SGK3: variants seen among roughly 807,000 people sequenced by gnomAD.
SGK3 encodes the protein serine/threonine-protein kinase Sgk3.
In SGK3, 47 loss-of-function variants were observed where a neutral mutation model predicts 68.5. The ratio of observed to expected loss-of-function variants is 0.69; its 90% confidence interval spans 0.54 to 0.87. The LOEUF is 0.87. Ranked by LOEUF, SGK3 falls within the 40% of genes least tolerant of loss-of-function variation. The pLI is 0.00. For missense variants in SGK3, 479 were observed against 575.5 expected (o/e 0.83, Z 1.72); for synonymous variants, 181 against 189.1 (o/e 0.96, Z 0.35).
chr8:66,731,745 A>G (rs991677077), intron 1 of SGK3, among the ~76,000 whole-genome samples: 5 of 152,182 alleles, frequency 3.3e-5, no homozygotes, highest in African/African-American at 4.8e-5. Context: ...CATGTTAGCC[A>G]GGATGGTCTC....
intron 1 of SGK3, among the ~76,000 whole-genome samples, chr8:66,771,307 T>TTA (rs1254647845): frequency 5.3e-5 from 8 of 152,228 alleles, no homozygotes; most frequent in Non-Finnish European, 2.9e-5. Context: ...GACTAGTGAT[T>TTA]TATAGATTGT....
intron 2 of SGK3, 118 bp from the exon 3 acceptor site, chr8:66,798,424 A>G (rs1471743948): frequency 2.7e-6 from 2 of 751,692 alleles, no homozygotes; most frequent in African/African-American, 3.5e-5. Context: ...AGCCTTGGTG[A>G]AAGAGCCAGA....
chr8:66,748,885 T>TTTTATTTATTTA (rs199925799), intron 1 of SGK3, among the ~76,000 whole-genome samples: 5 of 151,642 alleles, frequency 3.3e-5, no homozygotes, highest in African/African-American at 1.2e-4. Flanking sequence ...TCTCACTAGA[T>TTTTATTTATTTA]TTTATTTATT....
intron 1 of SGK3, among the ~76,000 whole-genome samples, chr8:66,781,843 G>A (rs1806998448): frequency 6.6e-6 from 1 of 152,150 alleles, no homozygotes; most frequent in African/African-American, 2.4e-5. Flanking sequence ...ACAGAATGAT[G>A]GAAAAATCAA....
chr8:66,756,432 G>C (rs896357649), intron 1 of SGK3, among the ~76,000 whole-genome samples: 1 of 152,044 alleles, frequency 6.6e-6, no homozygotes, highest in Non-Finnish European at 1.5e-5. Flanking sequence ...TACTTACAAG[G>C]ACTCACTCCA....
intron 1 of SGK3, among the ~76,000 whole-genome samples, chr8:66,736,866 A>G (rs1805331543): frequency 6.7e-6 from 1 of 150,304 alleles, no homozygotes; most frequent in Admixed American, 6.6e-5. Flanking sequence ...TGATCCACCC[A>G]TCTCAGCCTC....
chr8:66,778,590 C>T (rs571528757), intron 1 of SGK3, among the ~76,000 whole-genome samples: 8 of 152,346 alleles, frequency 5.3e-5, no homozygotes, highest in Admixed American at 5.2e-4. Flanking sequence ...CCACCGTGCC[C>T]AGCCACTTAA....
chr8:66,772,593 C>T (rs1168656619), intron 1 of SGK3, among the ~76,000 whole-genome samples: 1 of 148,670 alleles, frequency 6.7e-6, no homozygotes, highest in Admixed American at 6.7e-5. Context: ...CAGAGTCTCG[C>T]TCTGTCGCCC....
intron 1 of SGK3, among the ~76,000 whole-genome samples, chr8:66,746,024 T>C (rs1182933823): frequency 6.6e-6 from 1 of 152,226 alleles, no homozygotes; most frequent in Non-Finnish European, 1.5e-5. Context: ...TTATTAAAGC[T>C]GAGCCAGCTT....
At chr8:66,750,865 G>T (rs1286661502) in intron 1 of SGK3, among the ~76,000 whole-genome samples, 1 of 151,766 alleles carries the variant, frequency 6.6e-6, no homozygotes, top group African/African-American at 2.4e-5. Flanking sequence ...AATTAGCCAG[G>T]CATGGTGATG....
intron 1 of SGK3, among the ~76,000 whole-genome samples, chr8:66,789,195 T>C (rs1326440619): frequency 6.6e-6 from 1 of 152,202 alleles, no homozygotes; most frequent in Non-Finnish European, 1.5e-5. Flanking sequence ...CTGATTAAAT[T>C]TATGGTAATC....
At position 66,821,582 on chromosome 8, in the gene SGK3, G is replaced by A. The variant is rs183013358; in HGVS notation, c.330-790G>A. 2.1e-3 allele frequency among the ~76,000 whole-genome samples: 322 copies of A among 151,090 alleles called. 2 individuals carry two copies. Among genetic ancestry groups the A allele is most frequent in the African/African-American group, 7.5e-3 (309 of 41,126 alleles). On this transcript the variant is annotated intron_variant, in intron 5 of 16. Coordinates refer to ENST00000521198, the MANE Select transcript of SGK3 (RefSeq NM_001033578.3). ...GGCTGGAGTGCAGTGGCACAATCTC[G>A]GCTCACTGCAAGCTCCGCCTCCCGG...
chr8:66,759,514 C>T, intron 1 of SGK3, among the ~76,000 whole-genome samples: 1 of 151,856 alleles, frequency 6.6e-6, no homozygotes, highest in East Asian at 1.9e-4. Flanking sequence ...TCACTGCAAC[C>T]TCTACCTCCC....
At chr8:66,773,545 G>T (rs1345118050) in intron 1 of SGK3, among the ~76,000 whole-genome samples, 1 of 152,134 alleles carries the variant, frequency 6.6e-6, no homozygotes, top group East Asian at 1.9e-4. Context: ...CACAGTAAGA[G>T]ATTAACTACC....
At chr8:66,811,168 G>A (rs991159403) in intron 4 of SGK3, among the ~76,000 whole-genome samples, 1 of 151,994 alleles carries the variant, frequency 6.6e-6, no homozygotes, top group Non-Finnish European at 1.5e-5. Context: ...GATGTATGTC[G>A]CCACAGCTAG....
intron 16 of SGK3, among the ~76,000 whole-genome samples, chr8:66,852,744 T>G (rs1016685243): frequency 1.3e-5 from 2 of 152,254 alleles, no homozygotes; most frequent in African/African-American, 2.4e-5. Flanking sequence ...GTAGACTGAC[T>G]GACTTCATGT....
chr8:66,807,322 G>A (rs1057414031), intron 4 of SGK3, among the ~76,000 whole-genome samples: 9 of 152,152 alleles, frequency 5.9e-5, no homozygotes, highest in African/African-American at 1.4e-4. Context: ...TTGGAGTTCT[G>A]TAGAGCCCTT....
intron 7 of SGK3, 75 bp from the exon 8 acceptor site, chr8:66,831,179 G>A (rs1040537898): frequency 6.5e-7 from 1 of 1,530,558 alleles, no homozygotes; most frequent in Non-Finnish European, 9.0e-7. Context: ...TTTAAAGAGG[G>A]AGGTGCTAAG....
intron 1 of SGK3, among the ~76,000 whole-genome samples, chr8:66,756,803 C>A (rs932100774): frequency 7.2e-5 from 11 of 152,012 alleles, no homozygotes; most frequent in African/African-American, 2.7e-4. Context: ...GTTGCCCAGG[C>A]TGGTCTTGAA....
Sources: allele counts gnomAD v4.1 joint callset (sites outside exome capture counted in the v4.1 genomes callset), GRCh38; gene constraint gnomAD v4.1.1; transcripts MANE v1.5; gene names NCBI Gene and HGNC (gene_info 2026-07-23, HGNC 2026-07-21).